RASA1: variants seen among roughly 807,000 people sequenced by gnomAD.
RASA1 encodes the protein RAS p21 protein activator 1.
RASA1 carries 25 observed loss-of-function variants against 132.2 expected under a neutral mutation model. That is an observed-to-expected ratio of 0.19 (90% CI 0.14 to 0.26). The LOEUF is 0.26. Among genes scored for constraint, RASA1 ranks in the 10% least tolerant of loss-of-function variants. The pLI is 1.00. For synonymous variants in RASA1, 477 were observed against 449.9 expected, an observed-to-expected ratio of 1.06 and a Z score of -0.76; for missense variants, 964 against 1,299.2, an observed-to-expected ratio of 0.74 and a Z score of 3.97.
chr5:87,302,735 T>G (rs934448996), intron 1 of RASA1, among the ~76,000 whole-genome samples: 3 of 151,362 alleles, frequency 2.0e-5, no homozygotes, highest in Non-Finnish European at 4.4e-5. Flanking sequence ...GATATCTTTT[T>G]GGGCCTGCTT....
chr5:87,288,561 A>G (rs563133090), intron 1 of RASA1, among the ~76,000 whole-genome samples: 4 of 152,268 alleles, frequency 2.6e-5, no homozygotes, highest in African/African-American at 7.2e-5. Flanking sequence ...TAATGGACTC[A>G]TGTAAAATGG....
intron 1 of RASA1, chr5:87,331,015 T>A: frequency 7.3e-7 from 1 of 1,371,388 alleles, no homozygotes; most frequent in Non-Finnish European, 9.6e-7. Flanking sequence ...TTTGTCTATC[T>A]TTTATTTTTC....
At chr5:87,304,928 T>C (rs1755538611) in intron 1 of RASA1, among the ~76,000 whole-genome samples, 1 of 150,794 alleles carries the variant, frequency 6.6e-6, no homozygotes, top group South Asian at 2.1e-4. Context: ...CCTGTGTAAC[T>C]TCTTTTAGTC....
chr5:87,340,346 T>G (rs1434243136), intron 5 of RASA1, among the ~76,000 whole-genome samples: 1 of 152,126 alleles, frequency 6.6e-6, no homozygotes, highest in African/African-American at 2.4e-5. Flanking sequence ...AATTAATAAT[T>G]GTGTAAAACT....
rs191725379 is a variant in RASA1, at chr5:87,391,307, G to A, written c.*424G>A. ...ATTGACAATTGTGTATAACTGGATT[G>A]CAGACTGTTCTTACTGTAACTACTT... is the stretch of plus-strand genomic sequence containing the variant. On this transcript the variant is annotated 3_prime_UTR_variant, in exon 25 of 25. Coordinates refer to ENST00000274376, the MANE Select transcript of RASA1 (RefSeq NM_002890.3). 4.1e-5 allele frequency: 14 copies of A among 342,718 alleles called. No individual in the cohort carries two copies. The South Asian group carries it at 6.2e-4, about 15-fold the overall frequency. The allele number at this position is 342,718 out of a possible 1,614,324, so 21.2% of individuals were successfully genotyped here.
intron 12 of RASA1, among the ~76,000 whole-genome samples, chr5:87,371,262 T>C (rs879536774): frequency 1.3e-5 from 2 of 151,928 alleles, no homozygotes; most frequent in Non-Finnish European, 2.9e-5. Flanking sequence ...GCTGTGGGGG[T>C]CTCTGGTTAT....
chr5:87,387,985 C>G (rs1762181487), intron 23 of RASA1, among the ~76,000 whole-genome samples: 1 of 152,144 alleles, frequency 6.6e-6, no homozygotes. Flanking sequence ...TTCTTCACCA[C>G]CTGTATAATA....
At chr5:87,359,525 A>G (rs1759915125) in intron 9 of RASA1, among the ~76,000 whole-genome samples, 1 of 152,190 alleles carries the variant, frequency 6.6e-6, no homozygotes, top group South Asian at 2.1e-4. Flanking sequence ...CAAGATCTAT[A>G]TAAAATCTTG....
At chr5:87,331,982 G>C (rs1056903426) in intron 2 of RASA1, among the ~76,000 whole-genome samples, 2 of 151,752 alleles carry the variant, frequency 1.3e-5, no homozygotes, top group Non-Finnish European at 2.9e-5. Flanking sequence ...ATATTGTATT[G>C]TTTCATTTTT....
intron 1 of RASA1, among the ~76,000 whole-genome samples, chr5:87,288,146 A>G (rs975556965): frequency 6.9e-6 from 1 of 144,656 alleles, no homozygotes; most frequent in Non-Finnish European, 1.5e-5. Flanking sequence ...TATACACACC[A>G]TATATATATA....
chr5:87,296,671 G>T (rs1201323530), intron 1 of RASA1, among the ~76,000 whole-genome samples: 3 of 151,990 alleles, frequency 2.0e-5, no homozygotes, highest in African/African-American at 7.2e-5. Flanking sequence ...GGAGAAGCTG[G>T]TCTTCTGTAG....
At chr5:87,294,655 T>A (rs1406020687) in intron 1 of RASA1, among the ~76,000 whole-genome samples, 1 of 152,256 alleles carries the variant, frequency 6.6e-6, no homozygotes, top group Admixed American at 6.5e-5. Flanking sequence ...AGAAGTACTT[T>A]GGAATTTTCC....
chr5:87,288,072 A>ATACCATATATACACACACCATATATG (rs1754751621), intron 1 of RASA1, among the ~76,000 whole-genome samples: 1 of 133,604 alleles, frequency 7.5e-6, no homozygotes, highest in Admixed American at 7.8e-5. Context: ...CACCATATAT[A>ATACCATATATACACACACCATATATG]TACCATATAT....
At chr5:87,362,894 C>T (rs1345350371) in intron 10 of RASA1, among the ~76,000 whole-genome samples, 1 of 149,186 alleles carries the variant, frequency 6.7e-6, no homozygotes, top group African/African-American at 2.5e-5. Context: ...TTCTTTTTTT[C>T]TTTCTTTCTT....
chr5:87,300,931 GA>G (rs1374712922), intron 1 of RASA1, among the ~76,000 whole-genome samples: 1 of 152,198 alleles, frequency 6.6e-6, no homozygotes, highest in Non-Finnish European at 1.5e-5. Context: ...ATTAGTCACG[GA>G]AAGGCAGAAA....
intron 21 of RASA1, 54 bp downstream of exon 21, chr5:87,383,834 A>T: frequency 2.1e-6 from 3 of 1,435,758 alleles, no homozygotes; most frequent in Non-Finnish European, 2.9e-6. Flanking sequence ...TAACAGTTTC[A>T]TACTATTTAA....
At chr5:87,283,752 T>C (rs1754422584) in intron 1 of RASA1, among the ~76,000 whole-genome samples, 2 of 152,278 alleles carry the variant, frequency 1.3e-5, no homozygotes, top group East Asian at 3.9e-4. Context: ...TAAGTCTATT[T>C]AACTACTATG....
At chr5:87,387,634 A>C (rs1554050702) in intron 23 of RASA1, among the ~76,000 whole-genome samples, 2 of 152,158 alleles carry the variant, frequency 1.3e-5, no homozygotes, top group Non-Finnish European at 2.9e-5. Flanking sequence ...TTGGAGATTG[A>C]GGTGTCCATG....
At chr5:87,317,310 A>G (rs1301738680) in intron 1 of RASA1, among the ~76,000 whole-genome samples, 2 of 152,064 alleles carry the variant, frequency 1.3e-5, no homozygotes, top group Non-Finnish European at 2.9e-5. Flanking sequence ...CCATTTTACC[A>G]CACTGCTTAA....
Sources: gnomAD v4.1 joint callset for allele counts (sites outside exome capture counted in the v4.1 genomes callset) on GRCh38, gnomAD v4.1.1 for gene constraint, MANE v1.5 for transcripts, NCBI Gene and HGNC (gene_info 2026-07-23, HGNC 2026-07-21) for gene names.